The following LAMA1 variants were observed in gnomAD, a reference collection of about 807,000 sequenced individuals.
The protein encoded by LAMA1 is laminin subunit alpha-1.
A neutral mutation model predicts 348.7 loss-of-function variants in LAMA1; 219 were observed. The ratio of observed to expected loss-of-function variants is 0.63; its 90% CI spans 0.56 to 0.70. The LOEUF (loss-of-function observed/expected upper bound fraction) is 0.70, where lower values mean the gene tolerates loss of function less well. Ranked by LOEUF, LAMA1 falls within the 30% of genes least tolerant of loss-of-function variation. The pLI is 0.00. For synonymous variants in LAMA1, 1,487 were observed against 1,491.0 expected, an observed-to-expected ratio of 1.00 and a Z score of 0.06; for missense variants, 3,744 against 3,888.0, an observed-to-expected ratio of 0.96 and a Z score of 0.99.
chr18:6,947,316 C>T lies in LAMA1; in HGVS notation c.8711-20G>A, dbSNP rs755534633. ...CTTTGACTGTAACACACAAGGAGGA[C>T]CCAAGTCAGGGTGAGCGCTGCCAGG... On this transcript the variant is annotated intron_variant, in intron 60 of 62. Transcript: ENST00000389658. 9.9e-6 allele frequency: 16 copies of T among 1,612,910 alleles called. No homozygotes were observed. Among genetic ancestry groups the T allele is most frequent in the Non-Finnish European group, 7.6e-6 (9 of 1,180,010 alleles).
intron 3 of LAMA1, among the ~76,000 whole-genome samples, chr18:7,063,472 C>G (rs2058110469): frequency 6.6e-6 from 1 of 152,000 alleles, no homozygotes; most frequent in Non-Finnish European, 1.5e-5. Flanking sequence ...CATAGAATTA[C>G]AACATGATGC....
In LAMA1 at chr18:7,025,972, G is replaced by C; in HGVS notation, c.2402+7C>G. ...GGCAGGAACCGCTGATGAGGTCCGA[G>C]GCTTACTTGTTGGAGGCTATGGTGA... On this transcript the variant is annotated splice_region_variant and intron_variant, in intron 17 of 62. Transcript: ENST00000389658. 1 of 1,605,070 alleles carries C rather than the reference G, an allele frequency of 6.2e-7. No individual in the cohort carries two copies. The highest frequency in any genetic ancestry group is 8.5e-7 in the Non-Finnish European group (1 of 1,176,004).
Position 7,052,121 on chromosome 18 carries a change from C to T in LAMA1, c.346-1185G>A, listed in dbSNP as rs189629081. 3.8e-3 allele frequency among the ~76,000 whole-genome samples: 576 copies of T among 152,216 alleles called. 2 individuals carry two copies. Among genetic ancestry groups the T allele is most frequent in the Middle Eastern group, 6.8e-3 (2 of 294 alleles). On this transcript the variant is annotated intron_variant, in intron 3 of 62. Transcript: ENST00000389658. Reference sequence around the variant, plus strand: ...TGAATTCTCAAGCCACAAAAAGACACGAAGAAACCTCGAATGCATATTACT... The same window carrying T: ...TGAATTCTCAAGCCACAAAAAGACATGAAGAAACCTCGAATGCATATTACT...
chr18:7,086,023 T>C lies in LAMA1; in HGVS notation c.62-5566A>G, dbSNP rs571045438. On this transcript the variant is annotated intron_variant, in intron 1 of 62. Coordinates refer to ENST00000389658, the MANE Select transcript of LAMA1 (RefSeq NM_005559.4). The stretch of plus-strand genomic sequence containing the variant: ...TTTTAGGAGGGTGGCTGGATTCCTA[T>C]TCAGTAACATATCTATGATTTACAC... 2.6e-5 allele frequency among the ~76,000 whole-genome samples: 4 copies of C among 152,304 alleles called. No individual in the cohort carries two copies. In the East Asian group the frequency reaches 7.7e-4, roughly 29 times the overall value.
intron 61 of LAMA1, 108 bp from the exon 62 acceptor site, chr18:6,943,510 A>T: frequency 1.1e-6 from 1 of 879,496 alleles, no homozygotes; most frequent in Non-Finnish European, 1.9e-6. Context: ...AAGGAGAGCT[A>T]ACTAGGAGAA....
At chr18:7,057,781 A>G (rs529367197) in intron 3 of LAMA1, among the ~76,000 whole-genome samples, 37 of 145,520 alleles carry the variant, frequency 2.5e-4, no homozygotes, top group African/African-American at 9.0e-4. Flanking sequence ...ATCCAGCCCA[A>G]AATTCTTTCT....
At chr18:7,044,469 C>T (rs1386733359) in intron 7 of LAMA1, among the ~76,000 whole-genome samples, 1 of 151,648 alleles carries the variant, frequency 6.6e-6, no homozygotes, top group Admixed American at 6.6e-5. Context: ...GGTAAAAAAA[C>T]AAAAACAAAA....
At chr18:7,041,952 C>G (rs543982691) in intron 9 of LAMA1, among the ~76,000 whole-genome samples, 193 bp downstream of exon 9, 14 of 152,300 alleles carry the variant, frequency 9.2e-5, no homozygotes, top group Admixed American at 6.5e-5. Context: ...AGGACTTTGA[C>G]TACCTTGTTA....
chr18:7,012,236 A>G, intron 23 of LAMA1, 98 bp from the exon 24 acceptor site: 3 of 1,272,866 alleles, frequency 2.4e-6, no homozygotes, highest in South Asian at 2.5e-5. Flanking sequence ...AATTTTAAAC[A>G]TAATTATAGA....
chr18:7,056,996 G>A (rs909769205), intron 3 of LAMA1, among the ~76,000 whole-genome samples: 5 of 151,398 alleles, frequency 3.3e-5, no homozygotes, highest in East Asian at 1.9e-4. Context: ...CTCAGCCTCC[G>A]GAGTAGCTGG....
At chr18:6,962,191 G>T in intron 51 of LAMA1, 132 bp from the exon 52 acceptor site, 1 of 719,198 alleles carries the variant, frequency 1.4e-6, no homozygotes, top group South Asian at 1.5e-5. Context: ...GAAGGCTGAG[G>T]TAGAAGGATT....
In LAMA1 at chr18:7,103,391, C is replaced by T. The variant is rs185931794; in HGVS notation, c.61+14269G>A. 6.2e-4 allele frequency among the ~76,000 whole-genome samples: 93 copies of T among 149,028 alleles called. 1 individual carries two copies. Among genetic ancestry groups the T allele is most frequent in the South Asian group, 1.3e-3 (6 of 4,612 alleles). ...CTGCACTCCAGCCTGGGTGACAGAG[C>T]GAGACTCCATCTCAAAAATAAAAAA... On this transcript the variant is annotated intron_variant, in intron 1 of 62. Coordinates refer to ENST00000389658, the MANE Select transcript of LAMA1 (RefSeq NM_005559.4).
At chr18:7,092,490 G>A (rs1047922224) in intron 1 of LAMA1, among the ~76,000 whole-genome samples, 2 of 152,036 alleles carry the variant, frequency 1.3e-5, no homozygotes, top group South Asian at 2.1e-4. Flanking sequence ...GCCGGGCGTG[G>A]TGGCACGCAC....
chr18:6,975,463 C>T (rs1417573826), intron 45 of LAMA1, among the ~76,000 whole-genome samples: 1 of 152,240 alleles, frequency 6.6e-6, no homozygotes, highest in Admixed American at 6.5e-5. Flanking sequence ...CTTTGCATCT[C>T]ATCTCCTGAA....
At chr18:6,996,106 T>C (rs768261163) in intron 33 of LAMA1, among the ~76,000 whole-genome samples, 3 of 152,082 alleles carry the variant, frequency 2.0e-5, no homozygotes, top group Non-Finnish European at 4.4e-5. Flanking sequence ...GTGTATATAG[T>C]GATTGGAAAA....
intron 1 of LAMA1, among the ~76,000 whole-genome samples, chr18:7,109,806 C>T (rs965193101): frequency 1.3e-5 from 2 of 151,888 alleles, no homozygotes; most frequent in Admixed American, 1.3e-4. Flanking sequence ...ATTACGAAGG[C>T]GGTATTTTGG....
intron 36 of LAMA1, among the ~76,000 whole-genome samples, chr18:6,989,780 TCTGGAGGCAGTGCCCCAGGG>T (rs1468645539): frequency 6.6e-6 from 1 of 152,136 alleles, no homozygotes; most frequent in Admixed American, 6.6e-5. Flanking sequence ...AACCACGCAC[TCTGGAGGCAGTGCCCCAGGG>T]CTGGGCTCCA....
At chr18:6,998,948 A>G (rs1690984953) in intron 32 of LAMA1, among the ~76,000 whole-genome samples, 1 of 152,124 alleles carries the variant, frequency 6.6e-6, no homozygotes, top group Non-Finnish European at 1.5e-5. Context: ...CAGAGGAATC[A>G]CTTGAGTCCA....
In LAMA1 at chr18:7,116,824, CTCTT is replaced by C. The variant is rs201404437; in HGVS notation, c.61+832_61+835del. 9.5e-3 allele frequency among the ~76,000 whole-genome samples: 1,439 copies of C among 151,976 alleles called. 21 individuals carry two copies. Among genetic ancestry groups the C allele is most frequent in the African/African-American group, 0.033 (1,358 of 41,396 alleles). On this transcript the variant is annotated intron_variant, in intron 1 of 62. Coordinates refer to ENST00000389658, the MANE Select transcript of LAMA1 (RefSeq NM_005559.4). ...CTCTCTTTCTTTTCTCTTTCTCTCT[CTCTT>C]TCTTTCTTCTCTCTCTCTCTCTTTC... is the stretch of plus-strand genomic sequence containing the variant.
Sources: gnomAD v4.1 joint callset for allele counts (sites outside exome capture counted in the v4.1 genomes callset) on GRCh38, gnomAD v4.1.1 for gene constraint, MANE v1.5 for transcripts, NCBI Gene and HGNC (gene_info 2026-07-23, HGNC 2026-07-21) for gene names.